The following NAT16 variants were observed in gnomAD, a reference collection of about 807,000 sequenced individuals.
The protein encoded by NAT16 is N-acetyltransferase 16 (putative).
A neutral mutation model predicts 15.9 loss-of-function variants in NAT16; 16 were observed. The ratio of observed to expected loss-of-function variants is 1.01; its 90% CI spans 0.68 to 1.53. The LOEUF (loss-of-function observed/expected upper bound fraction) is 1.53. NAT16 is among the 40% of genes most tolerant of loss of function. The probability of loss-of-function intolerance (pLI) is 0.00; values close to 1 mark genes in which losing one functional copy is unlikely to be tolerated. For synonymous variants in NAT16, 260 were observed against 241.9 expected, an observed-to-expected ratio of 1.07 and a Z score of -0.69; for missense variants, 572 against 508.4, an observed-to-expected ratio of 1.13 and a Z score of -1.20.
At chr7:101,176,903 A>G (rs903436308) in intron 1 of NAT16, among the ~76,000 whole-genome samples, 13 of 148,158 alleles carry the variant, frequency 8.8e-5, no homozygotes, top group Non-Finnish European at 1.7e-4. Flanking sequence ...TGGAATTTTT[A>G]TTTTTTTTTT....
rs920667350 is a variant in NAT16, at chr7:101,172,785, G to A, written c.538-134C>T. On this transcript the variant is annotated intron_variant, in intron 3 of 3. Coordinates refer to ENST00000300303, the MANE Select transcript of NAT16 (RefSeq NM_198571.3). This position sits in a 1 kb window ranked among gnomAD's most constrained non-coding sequence, Gnocchi z 4.2. The stretch of plus-strand genomic sequence containing the variant: ...CCTGGGTCCCTCTGGAGGAGCGACC[G>A]TGAGGGCTCCGGGCCGAGTGGGGTA... The A allele has an allele frequency of 3.8e-5, 27 of 717,062 alleles. No homozygotes were observed. Among genetic ancestry groups the A allele is most frequent in the African/African-American group, 3.6e-4 (19 of 52,384 alleles). 44.4% of individuals were successfully genotyped at this position (717,062 alleles called of 1,614,324 possible). A position where few individuals can be genotyped will look rare whatever the true frequency, so the allele number is the denominator to read the frequency against.
Position 101,170,797 on chromosome 7 carries a change from T to C in NAT16, c.*1282A>G, listed in dbSNP as rs1859528. The stretch of plus-strand genomic sequence containing the variant: ...TTCAAGCTAACATCATCCCACAGAG[T>C]GAAGTTCTAGGTCATGCTCTAGGCT... On this transcript the variant is annotated 3_prime_UTR_variant, in exon 4 of 4. Transcript: ENST00000300303. The C allele has an allele frequency of 0.52, 79,498 of 152,068 alleles. 22,865 individuals are homozygous for C. The highest frequency in any genetic ancestry group is 0.62 in the Admixed American group (9,524 of 15,252). The allele number at this position is 152,068 out of a possible 1,614,324, so 9.4% of individuals were successfully genotyped here.
At position 101,172,685 on chromosome 7, in the gene NAT16, G is replaced by A. The variant is rs759895232; in HGVS notation, c.538-34C>T. The A allele has an allele frequency of 1.5e-5, 21 of 1,417,602 alleles. 1 individual carries two copies. The highest frequency in any genetic ancestry group is 1.3e-4 in the South Asian group (9 of 69,264). The allele number at this position is 1,417,602 out of a possible 1,614,324, so 87.8% of individuals were successfully genotyped here. On this transcript the variant is annotated intron_variant, in intron 3 of 3. Coordinates refer to ENST00000300303, the MANE Select transcript of NAT16 (RefSeq NM_198571.3). This position sits in a 1 kb window ranked among gnomAD's most constrained non-coding sequence, Gnocchi z 4.2. ...GGCACGAGTGAGCGCGGGGAGGGGG[G>A]GCGCAGCAGGGCTGGCGAGCCCGGC...
intron 2 of NAT16, 133 bp downstream of exon 2, chr7:101,174,363 G>A: frequency 1.6e-6 from 2 of 1,246,878 alleles, no homozygotes; most frequent in Non-Finnish European, 2.2e-6. Flanking sequence ...CTGCACTTTG[G>A]TCCCAAAGCA....
intron 2 of NAT16, chr7:101,173,878 C>G (rs1273603056): frequency 6.4e-6 from 2 of 312,996 alleles, no homozygotes; most frequent in Non-Finnish European, 5.8e-6. Context: ...AGGCACGCAC[C>G]CCTACTCTCG....
At chr7:101,178,823 C>T (rs967298426) in intron 1 of NAT16, among the ~76,000 whole-genome samples, 1 of 129,398 alleles carries the variant, frequency 7.7e-6, no homozygotes, top group African/African-American at 3.0e-5. Flanking sequence ...CCCGGGAGGC[C>T]GAGATTGTGG....
intron 1 of NAT16, among the ~76,000 whole-genome samples, chr7:101,176,419 C>T (rs920836122): frequency 4.0e-5 from 6 of 149,212 alleles, no homozygotes; most frequent in Non-Finnish European, 5.9e-5. Context: ...CACTTGAACC[C>T]GGGAGGTAGA....
rs182074804 is a variant in NAT16 at position 101,176,907 on chromosome 7, T to A, written c.-4-2096A>T. On this transcript the variant is annotated intron_variant, in intron 1 of 3. Transcript: ENST00000300303. ...ATTGACTTAACTGGAATTTTTATTT[T>A]TTTTTTTAACAAAAGTCTTACCTAG... 5.9e-5 allele frequency among the ~76,000 whole-genome samples: 9 copies of A among 152,310 alleles called. No individual in the cohort carries two copies. In the East Asian group the frequency reaches 9.6e-4, roughly 16 times the overall value.
At position 101,170,742 on chromosome 7, in the gene NAT16, C is replaced by T. The variant is rs1016112459; in HGVS notation, c.*1337G>A. The T allele has an allele frequency of 6.6e-6, 1 of 152,482 alleles. No homozygotes were observed. The highest frequency in any genetic ancestry group is 2.4e-5 in the African/African-American group (1 of 41,452). 9.4% of individuals were successfully genotyped at this position (152,482 alleles called of 1,614,324 possible). A position where few individuals can be genotyped will look rare whatever the true frequency, so the allele number is the denominator to read the frequency against. On this transcript the variant is annotated 3_prime_UTR_variant, in exon 4 of 4. Coordinates refer to ENST00000300303, the MANE Select transcript of NAT16 (RefSeq NM_198571.3). ...ACCCCAAACTCACTGTCAACATTCT[C>T]CTAGCACCTACGCATTGCCCAACAA...
Position 101,172,328 on chromosome 7 carries a change from C to A in NAT16, c.861G>T (p.Pro287=), listed in dbSNP as rs992108527. ...AGCGCCAAGTGCCGTCCCCTCCGTGCGGGATGGGGAAGGGGCGCGTGCACA... is the reference window on the plus strand; with the variant it reads ...AGCGCCAAGTGCCGTCCCCTCCGTGAGGGATGGGGAAGGGGCGCGTGCACA... The part of the protein sequence containing the change: ...LTLCTRPFPI[P]HGGDGTWRYL... The change falls in exon 4 of 4, where the codon CCG becomes CCT. Residue 287 remains proline (P), a synonymous_variant. Coordinates refer to ENST00000300303, the MANE Select transcript of NAT16 (RefSeq NM_198571.3). The surrounding 1 kb of genome is among the most constrained non-coding windows in gnomAD (Gnocchi z 4.2). 5 of 1,604,800 alleles carry A rather than the reference C, an allele frequency of 3.1e-6. No individual in the cohort carries two copies. The highest frequency in any genetic ancestry group is 2.2e-5 in the East Asian group (1 of 44,494).
chr7:101,179,054 C>A (rs10233391), intron 1 of NAT16: 1 of 141,184 alleles, frequency 7.1e-6, no homozygotes, highest in African/African-American at 2.7e-5. Context: ...GGAATGCCGG[C>A]AGCCCACCCA....
In NAT16 at chr7:101,173,249, T is replaced by A. The variant is rs1042985167; in HGVS notation, c.537+47A>T. The A allele has an allele frequency of 2.6e-6, 4 of 1,520,322 alleles. No individual in the cohort carries two copies. The African/African-American group carries it at 5.5e-5, about 21-fold the overall frequency. The allele number at this position is 1,520,322 out of a possible 1,614,324, so 94.2% of individuals were successfully genotyped here. On this transcript the variant is annotated intron_variant, in intron 3 of 3. Transcript: ENST00000300303. Reference sequence around the variant, plus strand: ...TGGGGGTGGGGAGGGTCTCCCCATATGCCCCAGCAGAGAGGCCCAGCCATC... The same window carrying A: ...TGGGGGTGGGGAGGGTCTCCCCATAAGCCCCAGCAGAGAGGCCCAGCCATC...
Position 101,174,655 on chromosome 7 carries a change from C to T in NAT16, c.153G>A (p.Glu51=), listed in dbSNP as rs370724078. ...CCGTGGCCACCACGAAGTCCAATGG[C>T]TCGGCCTCAGCCTCAGGCCCCGATC... is the stretch of plus-strand genomic sequence containing the variant. The part of the protein sequence containing the change: ...RSGSGPEAEA[E]PLDFVVATER... The change falls in exon 2 of 4, where the codon GAG becomes GAA. Residue 51 remains glutamate (E), a synonymous_variant. Coordinates refer to ENST00000300303, the MANE Select transcript of NAT16 (RefSeq NM_198571.3). 41 of 1,613,902 alleles carry T rather than the reference C, an allele frequency of 2.5e-5. No homozygotes were observed. The highest frequency in any genetic ancestry group is 8.3e-5 in the Admixed American group (5 of 60,006).
intron 2 of NAT16, 75 bp from the exon 3 acceptor site, chr7:101,173,595 C>T (rs1245307217): frequency 5.3e-6 from 7 of 1,313,254 alleles, no homozygotes; most frequent in African/African-American, 1.5e-5. Context: ...ACTGGGCTCT[C>T]CTCTTCCCAC....
chr7:101,176,330 A>G lies in NAT16; in HGVS notation c.-4-1519T>C, dbSNP rs187093752. On this transcript the variant is annotated intron_variant, in intron 1 of 3. Transcript: ENST00000300303. ...GCCAGCGTGATGAAACCCCATCTCT[A>G]CCAAAAATACAAAAATTAGCCAAGC... 2.6e-5 allele frequency among the ~76,000 whole-genome samples: 4 copies of G among 152,124 alleles called. No individual in the cohort carries two copies. In the East Asian group the frequency reaches 7.7e-4, roughly 29 times the overall value.
Position 101,173,306 on chromosome 7 carries a change from A to G in NAT16, c.527T>C (p.Ile176Thr). Residue 176 changes from isoleucine to threonine, a missense_variant, in exon 3 of 4, where the codon ATC becomes ACC. By Grantham distance (89) the Ile-to-Thr change is moderately conservative. Coordinates refer to ENST00000300303, the MANE Select transcript of NAT16 (RefSeq NM_198571.3). ...CCCTGTCCTTCTCACCTGCTTGGTG[A>G]TTAGGCGGTATTTCTTCAGCTCCCG... is the stretch of plus-strand genomic sequence containing the variant. ...GPRELKKYRL[I>T]TKQGILLVRF... The G allele has an allele frequency of 6.2e-7, 1 of 1,613,726 alleles. No individual in the cohort carries two copies. The highest frequency in any genetic ancestry group is 8.5e-7 in the Non-Finnish European group (1 of 1,179,862).
chr7:101,175,863 A>C (rs1337330280), intron 1 of NAT16, among the ~76,000 whole-genome samples: 1 of 151,424 alleles, frequency 6.6e-6, no homozygotes, highest in Non-Finnish European at 1.5e-5. Context: ...CAAAGGTTGC[A>C]GTGAGCCGGG....
intron 1 of NAT16, among the ~76,000 whole-genome samples, chr7:101,176,906 T>A (rs999026874): frequency 1.3e-5 from 2 of 152,148 alleles, no homozygotes; most frequent in Admixed American, 6.5e-5. Flanking sequence ...AATTTTTATT[T>A]TTTTTTTTAA....
At position 101,174,672 on chromosome 7, in the gene NAT16, G is replaced by A. The variant is rs756791990; in HGVS notation, c.136C>T (p.Pro46Ser). 5 of 1,613,944 alleles carry A rather than the reference G, an allele frequency of 3.1e-6. No homozygotes were observed. Among genetic ancestry groups the A allele is most frequent in the Admixed American group, 1.7e-5 (1 of 60,010 alleles). ...TCCAATGGCTCGGCCTCAGCCTCAG[G>A]CCCCGATCCCGACCTGGGCTCGGCC... ...VEAEPRSGSG[P>S]EAEAEPLDFV... Residue 46 changes from proline (P) to serine (S), a missense_variant, in exon 2 of 4, where the codon CCT becomes TCT. Physicochemically the swap from Pro to Ser is moderately conservative, Grantham distance 74. Transcript: ENST00000300303.
Sources: allele counts gnomAD v4.1 joint callset (sites outside exome capture counted in the v4.1 genomes callset), GRCh38; gene constraint gnomAD v4.1.1; non-coding constraint Gnocchi (gnomAD v3.1); transcripts MANE v1.5; gene names NCBI Gene and HGNC (gene_info 2026-07-23, HGNC 2026-07-21).